The following RFTN2 variants were observed in gnomAD, a reference collection of about 807,000 sequenced individuals.
The protein encoded by RFTN2 is raftlin family member 2, also known as raftlin-2.
RFTN2 carries 34 observed loss-of-function variants against 52.7 expected under a neutral mutation model. The observed-to-expected ratio is 0.64, with a 90% CI of 0.49 to 0.86. The LOEUF (loss-of-function observed/expected upper bound fraction) is 0.86, where lower values mean the gene tolerates loss of function less well. RFTN2 is among the 40% of genes least tolerant of loss of function. The pLI, the probability that RFTN2 is intolerant of heterozygous loss-of-function variation, is 0.00. For synonymous variants in RFTN2, 203 were observed against 217.7 expected (o/e 0.93, Z 0.59); for missense variants, 536 against 600.1 (o/e 0.89, Z 1.12).
intron 7 of RFTN2, among the ~76,000 whole-genome samples, chr2:197,597,809 C>T (rs989089214): frequency 1.1e-4 from 16 of 152,156 alleles, no homozygotes; most frequent in African/African-American, 3.6e-4. Flanking sequence ...TGAGCCACTG[C>T]GCCCAGCCTC....
chr2:197,674,339 C>CAAAAAAAAAAAAAAAAAAAAAAA (rs1222944678), intron 1 of RFTN2, among the ~76,000 whole-genome samples: 2 of 34,266 alleles, frequency 5.8e-5, no homozygotes, highest in African/African-American at 1.2e-4. Context: ...TAGAGCAAAG[C>CAAAAAAAAAAAAAAAAAAAAAAA]AAAAAAAAAA....
intron 1 of RFTN2, among the ~76,000 whole-genome samples, chr2:197,663,696 G>C (rs917181517): frequency 9.9e-5 from 15 of 151,814 alleles, no homozygotes; most frequent in Non-Finnish European, 1.5e-5. Context: ...TTTCCGATTT[G>C]GGTCTTTTCT....
chr2:197,598,509 A>G (rs888975687), intron 7 of RFTN2, among the ~76,000 whole-genome samples: 4 of 152,192 alleles, frequency 2.6e-5, no homozygotes. Context: ...CTTGAAGAGA[A>G]AGCAGGAACG....
chr2:197,629,945 A>C (rs565925063), intron 5 of RFTN2, among the ~76,000 whole-genome samples: 1 of 152,208 alleles, frequency 6.6e-6, no homozygotes. Flanking sequence ...GCTAGTCTCG[A>C]ACTCCTGGAC....
intron 1 of RFTN2, among the ~76,000 whole-genome samples, chr2:197,655,769 A>C (rs1333029712): frequency 1.3e-5 from 2 of 152,186 alleles, no homozygotes; most frequent in African/African-American, 4.8e-5. Context: ...GGTTGAAGTG[A>C]GCCGATACCA....
At chr2:197,643,605 A>C (rs569597346) in intron 3 of RFTN2, among the ~76,000 whole-genome samples, 1 of 152,030 alleles carries the variant, frequency 6.6e-6, no homozygotes, top group Admixed American at 6.6e-5. Context: ...ACTTTCATGA[A>C]TTTGTATTCC....
intron 8 of RFTN2, among the ~76,000 whole-genome samples, chr2:197,588,540 G>C (rs1452374971): frequency 3.3e-5 from 5 of 152,160 alleles, no homozygotes; most frequent in African/African-American, 1.2e-4. Context: ...GTATTTAATT[G>C]TATGGATGTA....
intron 7 of RFTN2, among the ~76,000 whole-genome samples, chr2:197,606,074 T>G (rs1225582842): frequency 6.6e-6 from 1 of 152,196 alleles, no homozygotes. Flanking sequence ...TGTATATCTG[T>G]GTATATACTG....
intron 5 of RFTN2, among the ~76,000 whole-genome samples, chr2:197,627,236 C>G (rs2088379452): frequency 6.6e-6 from 1 of 152,208 alleles, no homozygotes; most frequent in African/African-American, 2.4e-5. Flanking sequence ...CTGCTCCTCT[C>G]CAGCTGCCCA....
At chr2:197,665,142 T>C (rs1295383887) in intron 1 of RFTN2, among the ~76,000 whole-genome samples, 2 of 152,292 alleles carry the variant, frequency 1.3e-5, no homozygotes, top group East Asian at 3.9e-4. Context: ...CTCCTGAATC[T>C]AAAATAAAAA....
intron 3 of RFTN2, among the ~76,000 whole-genome samples, chr2:197,635,235 C>A (rs2088545708): frequency 6.6e-6 from 1 of 152,104 alleles, no homozygotes; most frequent in African/African-American, 2.4e-5. Context: ...GATTTATAGT[C>A]CTTTGGGTAT....
At chr2:197,591,068 T>C (rs1490180860) in intron 8 of RFTN2, among the ~76,000 whole-genome samples, 1 of 152,198 alleles carries the variant, frequency 6.6e-6, no homozygotes, top group African/African-American at 2.4e-5. Flanking sequence ...AGAGAGCTGA[T>C]TGGTCCGTTT....
intron 1 of RFTN2, among the ~76,000 whole-genome samples, chr2:197,663,760 CT>C (rs905236791): frequency 2.0e-5 from 3 of 151,846 alleles, no homozygotes; most frequent in Non-Finnish European, 2.9e-5. Context: ...GAAGAAGCTG[CT>C]TTTTTTATTG....
At chr2:197,672,091 T>C (rs1327089578) in intron 1 of RFTN2, among the ~76,000 whole-genome samples, 1 of 152,210 alleles carries the variant, frequency 6.6e-6, no homozygotes, top group Admixed American at 6.5e-5. Flanking sequence ...GAATTGTTAC[T>C]TTATCATAAT....
intron 8 of RFTN2, among the ~76,000 whole-genome samples, chr2:197,591,578 C>A (rs184779754): frequency 5.6e-4 from 86 of 152,318 alleles, no homozygotes; most frequent in African/African-American, 2.0e-3. Flanking sequence ...TTGGGCGGTC[C>A]GTGGGACCGT....
chr2:197,588,892 C>T lies in RFTN2; in HGVS notation c.1233+7099G>A, dbSNP rs1046942571. ...ACAGAGATGGGTCTCTTCCGTGCTG[C>T]TCTCATCATAGTGAATAAATCTCAT... On this transcript the variant is annotated intron_variant, in intron 8 of 8. Transcript: ENST00000295049. Among the ~76,000 whole-genome samples the T allele has an allele frequency of 1.2e-4, 18 of 152,062 alleles. 1 individual carries two copies. Among genetic ancestry groups the T allele is most frequent in the Admixed American group, 1.2e-3 (18 of 15,264 alleles).
At position 197,634,900 on chromosome 2, in the gene RFTN2, CA is replaced by C. The variant is rs1032279693; in HGVS notation, c.439-904del. Reference sequence around the variant, plus strand: ...ATAGCTCCCCCCTCCCCCCACCCCACAACAGTCCCCAGAGTGTGATATTCCC... The same window carrying C: ...ATAGCTCCCCCCTCCCCCCACCCCACACAGTCCCCAGAGTGTGATATTCCC... On this transcript the variant is annotated intron_variant, in intron 3 of 8. Coordinates refer to ENST00000295049, the MANE Select transcript of RFTN2 (RefSeq NM_144629.3). 3.1e-5 allele frequency among the ~76,000 whole-genome samples: 4 copies of C among 129,440 alleles called. No individual in the cohort carries two copies. In the South Asian group the frequency reaches 1.1e-3, roughly 37 times the overall value. 84.9% of individuals were successfully genotyped at this position (129,440 alleles called of 152,430 possible). A position where few individuals can be genotyped will look rare whatever the true frequency, so the allele number is the denominator to read the frequency against.
intron 3 of RFTN2, among the ~76,000 whole-genome samples, chr2:197,641,469 G>A (rs1380624579): frequency 1.3e-5 from 2 of 152,196 alleles, no homozygotes; most frequent in Non-Finnish European, 2.9e-5. Context: ...TGCATTTACC[G>A]TCAGTGCTTC....
chr2:197,649,889 T>C (rs1314542569), intron 1 of RFTN2, among the ~76,000 whole-genome samples: 1 of 152,226 alleles, frequency 6.6e-6, no homozygotes, highest in East Asian at 1.9e-4. Flanking sequence ...TTTCAATGGT[T>C]CTGTATTTTT....
Sources: gnomAD v4.1 joint callset for allele counts (sites outside exome capture counted in the v4.1 genomes callset) on GRCh38, gnomAD v4.1.1 for gene constraint, MANE v1.5 for transcripts, NCBI Gene and HGNC (gene_info 2026-07-23, HGNC 2026-07-21) for gene names.